SP2: variants seen among roughly 807,000 people sequenced by gnomAD.
SP2 encodes transcription factor Sp2.
In SP2, 9 loss-of-function variants were observed where a neutral mutation model predicts 50.1. The ratio of observed to expected loss-of-function variants is 0.18; its 90% CI spans 0.11 to 0.31. The LOEUF is 0.31. Among genes scored for constraint, SP2 ranks in the 10% least tolerant of loss-of-function variants. The pLI, the probability that SP2 is intolerant of heterozygous loss-of-function variation, is 1.00. For synonymous variants in SP2, 313 were observed against 326.6 expected (o/e 0.96, Z 0.45); for missense variants, 581 against 806.5 (o/e 0.72, Z 3.39).
chr17:47,923,634 T>C (rs2144056778), intron 4 of SP2, among the ~76,000 whole-genome samples: 1 of 152,132 alleles, frequency 6.6e-6, no homozygotes, highest in East Asian at 1.9e-4. Context: ...AGTTCAGTGG[T>C]GAGATTTATG....
chr17:47,916,668 TGTG>T lies in SP2; in HGVS notation c.601_603del (p.Val201del). 1 of 1,613,726 alleles carries T rather than the reference TGTG, an allele frequency of 6.2e-7. No homozygotes were observed. The highest frequency in any genetic ancestry group is 1.3e-5 in the African/African-American group (1 of 74,986). On this transcript the variant is annotated inframe_deletion, in exon 3 of 7. Coordinates refer to ENST00000376741, the MANE Select transcript of SP2 (RefSeq NM_003110.6). The surrounding 1 kb of genome is among the most constrained non-coding windows in gnomAD (Gnocchi z 4.7). Reference sequence around the variant, plus strand: ...CCACCCCCGTGCAGAGCGGGGCCAATGTGGTGAAGCTGACAGGTGGGGGCGGCA... The same window carrying T: ...CCACCCCCGTGCAGAGCGGGGCCAATGTGAAGCTGACAGGTGGGGGCGGCA...
At chr17:47,896,753 C>T (rs576210040) in intron 1 of SP2, among the ~76,000 whole-genome samples, 1 of 152,326 alleles carries the variant, frequency 6.6e-6, no homozygotes, top group East Asian at 1.9e-4. Flanking sequence ...ACCAGCGATT[C>T]AGGGCTCCCC....
intron 1 of SP2, among the ~76,000 whole-genome samples, chr17:47,911,675 G>A (rs956822133): frequency 6.6e-6 from 1 of 151,898 alleles, no homozygotes; most frequent in African/African-American, 2.4e-5. Context: ...GCGTGGTGGC[G>A]GGCATCTGTA....
At position 47,916,511 on chromosome 17, in the gene SP2, A is replaced by C. The variant is rs1430386845; in HGVS notation, c.440A>C (p.Gln147Pro). ...QIQASNSQTI[Q>P]VQPNLTNQIQ... Reference sequence around the variant, plus strand: ...CAGGCAAGCAATTCCCAAACCATCCAAGTACAGCCCAATCTCACCAACCAG... The same window carrying C: ...CAGGCAAGCAATTCCCAAACCATCCCAGTACAGCCCAATCTCACCAACCAG... The change falls in exon 3 of 7, where the codon CAA (glutamine) becomes CCA (proline). Residue 147 changes from glutamine to proline, a missense_variant. Coordinates refer to ENST00000376741, the MANE Select transcript of SP2 (RefSeq NM_003110.6). The surrounding 1 kb of genome is among the most constrained non-coding windows in gnomAD (Gnocchi z 4.7). The C allele has an allele frequency of 6.2e-7, 1 of 1,613,920 alleles. No homozygotes were observed. The highest frequency in any genetic ancestry group is 1.3e-5 in the African/African-American group (1 of 74,858).
chr17:47,899,903 A>G (rs970044296), intron 1 of SP2: 6 of 152,252 alleles, frequency 3.9e-5, no homozygotes, highest in African/African-American at 1.4e-4. Flanking sequence ...TGAGATGTCT[A>G]GGCCGTTTGT....
At chr17:47,906,666 C>T (rs925501492) in intron 1 of SP2, among the ~76,000 whole-genome samples, 1 of 152,186 alleles carries the variant, frequency 6.6e-6, no homozygotes, top group African/African-American at 2.4e-5. Context: ...AAGACAGCTG[C>T]AGACACTGAA....
At chr17:47,922,885 C>A in intron 3 of SP2, 77 bp from the exon 4 acceptor site, 1 of 1,342,340 alleles carries the variant, frequency 7.4e-7, no homozygotes, top group Non-Finnish European at 1.0e-6. Flanking sequence ...CCAGTTCTCA[C>A]TTGGGCAGGG....
Position 47,917,014 on chromosome 17 carries a change from C to A in SP2, c.943C>A (p.Gln315Lys), listed in dbSNP as rs2035236739. ...CAAGGCCGAGCAGCAGCAGGTGGTACAGATCCCCCAGCAGGCTCTGCGGGT... is the reference window on the plus strand; with the variant it reads ...CAAGGCCGAGCAGCAGCAGGTGGTAAAGATCCCCCAGCAGGCTCTGCGGGT... ...PPKAEQQQVV[Q>K]IPQQALRVVQ... The change falls in exon 3 of 7, where the codon CAG becomes AAG. Residue 315 changes from glutamine to lysine, a missense_variant. Transcript: ENST00000376741. 6.2e-7 allele frequency: 1 copy of A among 1,614,092 alleles called. No homozygotes were observed. The highest frequency in any genetic ancestry group is 1.3e-5 in the African/African-American group (1 of 74,952).
rs745931783 is a variant in SP2, at chr17:47,925,387, C to A, written c.1587C>A (p.Ile529=). The change falls in exon 6 of 7, where the codon ATC becomes ATA. Residue 529 remains isoleucine, a synonymous_variant. Transcript: ENST00000376741. ...GCAAGAAGAAGCACGTGTGCCACAT[C>A]CCCGACTGTGGCAAGACGTTCCGTA... is the stretch of plus-strand genomic sequence containing the variant. The part of the protein sequence containing the change: ...EQGKKKHVCH[I]PDCGKTFRKT... 1 of 1,614,152 alleles carries A rather than the reference C, an allele frequency of 6.2e-7. No individual in the cohort carries two copies. Among genetic ancestry groups the A allele is most frequent in the South Asian group, 1.1e-5 (1 of 91,090 alleles).
intron 1 of SP2, among the ~76,000 whole-genome samples, chr17:47,902,377 G>A (rs1315080092): frequency 2.0e-5 from 3 of 152,114 alleles, no homozygotes; most frequent in Non-Finnish European, 4.4e-5. Context: ...GGTATTGGGG[G>A]CCTCTGAGCA....
intron 1 of SP2, chr17:47,899,801 T>G (rs969765447): frequency 6.6e-6 from 1 of 152,248 alleles, no homozygotes; most frequent in Admixed American, 6.5e-5. Context: ...CGGGCTGATG[T>G]GCTCTTGGGA....
At chr17:47,909,670 C>A in intron 1 of SP2, 1 of 980,732 alleles carries the variant, frequency 1.0e-6, no homozygotes, top group Non-Finnish European at 1.2e-6. Context: ...ACAGAGGGCA[C>A]TAGGAGGAGG....
intron 5 of SP2, 40 bp from the exon 6 acceptor site, chr17:47,925,308 C>G: frequency 6.3e-7 from 1 of 1,574,936 alleles, no homozygotes; most frequent in Non-Finnish European, 8.7e-7. Flanking sequence ...TTTCTCTCCT[C>G]TTCCTATTCC....
Position 47,915,213 on chromosome 17 carries a change from T to TC in SP2, c.8-98dup, listed in dbSNP as rs879238261. ...GGGCAACAAGAGCAAAAATTCCGTC[T>TC]CAAAAAAAAAAAAATAGAAAAAAAG... is the stretch of plus-strand genomic sequence containing the variant. On this transcript the variant is annotated intron_variant, in intron 1 of 6. Coordinates refer to ENST00000376741, the MANE Select transcript of SP2 (RefSeq NM_003110.6). 387 of 751,340 alleles carry TC rather than the reference T, an allele frequency of 5.2e-4. 1 individual carries two copies. In the East Asian group the frequency reaches 9.7e-3, roughly 19 times the overall value. The allele number at this position is 751,340 out of a possible 1,614,324, so 46.5% of individuals were successfully genotyped here. A position where few individuals can be genotyped will look rare whatever the true frequency, so the allele number is the denominator to read the frequency against.
At position 47,916,250 on chromosome 17, in the gene SP2, C is replaced by T. The variant is rs761359338; in HGVS notation, c.179C>T (p.Pro60Leu). ...GCTGCTGTGACACCTCCTGCTCCCC[C>T]ACAGCCCACACCGCGGAAACTTGTC... is the stretch of plus-strand genomic sequence containing the variant. ...VEAAVTPPAPPQPTPRKLVPI... is the reference protein window; with the variant it reads ...VEAAVTPPAPLQPTPRKLVPI... The change falls in exon 3 of 7, where the codon CCA (proline) becomes CTA (leucine). Residue 60 changes from proline to leucine, a missense_variant. Pro to Leu is a moderately conservative substitution (Grantham distance 98, BLOSUM62 -3). Coordinates refer to ENST00000376741, the MANE Select transcript of SP2 (RefSeq NM_003110.6). This position sits in a 1 kb window ranked among gnomAD's most constrained non-coding sequence, Gnocchi z 4.7. 11 of 1,614,022 alleles carry T rather than the reference C, an allele frequency of 6.8e-6. No individual in the cohort carries two copies. The Admixed American group carries it at 8.3e-5, about 12-fold the overall frequency.
intron 4 of SP2, among the ~76,000 whole-genome samples, chr17:47,924,600 G>A (rs1298991296): frequency 6.6e-6 from 1 of 152,218 alleles, no homozygotes; most frequent in Non-Finnish European, 1.5e-5. Flanking sequence ...ACATAGTACA[G>A]TGGTTCAGGG....
Position 47,911,662 on chromosome 17 carries a change from C to T in SP2, c.8-3650C>T, listed in dbSNP as rs867226594. On this transcript the variant is annotated intron_variant, in intron 1 of 6. Transcript: ENST00000376741. ...CTTACTAAAAATACAAAAAATTAGCCGGGCGTGGTGGCGGGCATCTGTAGT... is the reference window on the plus strand; with the variant it reads ...CTTACTAAAAATACAAAAAATTAGCTGGGCGTGGTGGCGGGCATCTGTAGT... Among the ~76,000 whole-genome samples, 43 of 152,014 alleles carry T rather than the reference C, an allele frequency of 2.8e-4. 1 individual carries two copies. The highest frequency in any genetic ancestry group is 2.9e-4 in the African/African-American group (12 of 41,490).
intron 1 of SP2, among the ~76,000 whole-genome samples, chr17:47,903,424 G>C (rs1384859955): frequency 6.6e-6 from 1 of 151,988 alleles, no homozygotes; most frequent in Non-Finnish European, 1.5e-5. Context: ...CCAGCACTTT[G>C]GGAGGCCGAG....
intron 1 of SP2, among the ~76,000 whole-genome samples, chr17:47,914,007 A>G (rs768464800): frequency 6.6e-6 from 1 of 152,218 alleles, no homozygotes; most frequent in Non-Finnish European, 1.5e-5. Flanking sequence ...CATTAGCTCT[A>G]CTGAGTCTTG....
Sources: allele counts gnomAD v4.1 joint callset (sites outside exome capture counted in the v4.1 genomes callset), GRCh38; gene constraint gnomAD v4.1.1; non-coding constraint Gnocchi (gnomAD v3.1); transcripts MANE v1.5; gene names NCBI Gene and HGNC (gene_info 2026-07-23, HGNC 2026-07-21).